The following MYO1D variants were observed in gnomAD, a reference collection of about 807,000 sequenced individuals.
MYO1D encodes the protein unconventional myosin-Id.
In MYO1D, 83 loss-of-function variants were observed where a neutral mutation model predicts 122.0. The ratio of observed to expected loss-of-function variants is 0.68; its 90% confidence interval spans 0.57 to 0.82. The LOEUF is 0.82. Ranked by LOEUF, MYO1D falls within the 40% of genes least tolerant of loss-of-function variation. The probability of loss-of-function intolerance (pLI) is 0.00; values close to 1 mark genes in which losing one functional copy is unlikely to be tolerated. For missense variants in MYO1D, 1,157 were observed against 1,269.5 expected, an observed-to-expected ratio of 0.91 and a Z score of 1.35; for synonymous variants, 464 against 446.9, an observed-to-expected ratio of 1.04 and a Z score of -0.48.
rs145618096 is a variant in MYO1D at position 32,745,417 on chromosome 17, C to T, written c.1539-132G>A. On this transcript the variant is annotated intron_variant, in intron 12 of 21. Coordinates refer to ENST00000318217, the MANE Select transcript of MYO1D (RefSeq NM_015194.3). The stretch of plus-strand genomic sequence containing the variant: ...TAATCTAAAAGCTGATATTGTTCAT[C>T]TTGTTCTGTATTAAAGGATACCAAA... 2.3e-4 allele frequency: 142 copies of T among 620,226 alleles called. 2 individuals carry two copies. The African/African-American group carries it at 2.3e-3, about 10-fold the overall frequency. 38.4% of individuals were successfully genotyped at this position (620,226 alleles called of 1,614,324 possible). A position where few individuals can be genotyped will look rare whatever the true frequency, so the allele number is the denominator to read the frequency against.
At chr17:32,726,641 A>T (rs1391535351) in intron 14 of MYO1D, among the ~76,000 whole-genome samples, 1 of 149,518 alleles carries the variant, frequency 6.7e-6, no homozygotes, top group Admixed American at 6.7e-5. Flanking sequence ...GATAATATAG[A>T]TCATATAGGT....
chr17:32,640,102 A>G (rs976296403), intron 19 of MYO1D, among the ~76,000 whole-genome samples: 5 of 152,170 alleles, frequency 3.3e-5, no homozygotes, highest in Admixed American at 3.3e-4. Context: ...CAATTCTCTA[A>G]GCATTTCCTT....
chr17:32,843,593 AAGG>A (rs1322475714), intron 1 of MYO1D, among the ~76,000 whole-genome samples: 1 of 152,188 alleles, frequency 6.6e-6, no homozygotes, highest in African/African-American at 2.4e-5. Flanking sequence ...CCCCTATCTT[AAGG>A]AGAATAGAAG....
At chr17:32,685,615 G>A (rs976333625) in intron 16 of MYO1D, among the ~76,000 whole-genome samples, 3 of 152,178 alleles carry the variant, frequency 2.0e-5, no homozygotes, top group Admixed American at 6.5e-5. Context: ...GGTTTTCTAC[G>A]ATTATTAGAT....
intron 12 of MYO1D, among the ~76,000 whole-genome samples, chr17:32,747,913 G>A (rs1460731021): frequency 2.0e-5 from 3 of 152,082 alleles, no homozygotes; most frequent in Non-Finnish European, 4.4e-5. Context: ...CAATGTGACT[G>A]GAGTGATGCA....
chr17:32,745,484 T>C, intron 12 of MYO1D, 199 bp from the exon 13 acceptor site: 2 of 443,324 alleles, frequency 4.5e-6, no homozygotes, highest in Admixed American at 4.2e-5. Flanking sequence ...AGTACTATTA[T>C]GATTAAGATG....
In MYO1D at chr17:32,809,431, C is replaced by CTTTTTTTT. The variant is rs57040549; in HGVS notation, c.96-28655_96-28648dup. 1.8e-4 allele frequency among the ~76,000 whole-genome samples: 25 copies of CTTTTTTTT among 135,936 alleles called. 1 individual carries two copies. Among genetic ancestry groups the CTTTTTTTT allele is most frequent in the Admixed American group, 2.9e-4 (4 of 13,634 alleles). 89.2% of individuals were successfully genotyped at this position (135,936 alleles called of 152,430 possible). On this transcript the variant is annotated intron_variant, in intron 1 of 21. Coordinates refer to ENST00000318217, the MANE Select transcript of MYO1D (RefSeq NM_015194.3). ...ATGAGCCACTGTATCTGGCCTAGGCCTTTTTTTTTTTTTTTTTCTTTTTCT... is the reference window on the plus strand; with the variant it reads ...ATGAGCCACTGTATCTGGCCTAGGCCTTTTTTTTTTTTTTTTTTTTTTTTTCTTTTTCT...
intron 21 of MYO1D, among the ~76,000 whole-genome samples, chr17:32,501,859 T>G (rs1321888337): frequency 1.3e-5 from 2 of 152,228 alleles, no homozygotes; most frequent in Non-Finnish European, 2.9e-5. Flanking sequence ...GAGGAGGTCC[T>G]GGGAACTCCA....
chr17:32,701,787 G>A (rs750328186), intron 16 of MYO1D, among the ~76,000 whole-genome samples: 1 of 152,056 alleles, frequency 6.6e-6, no homozygotes, highest in Non-Finnish European at 1.5e-5. Flanking sequence ...GGCTGGTCTC[G>A]AACTCCTGGC....
chr17:32,664,916 C>A (rs1231659866), intron 16 of MYO1D, among the ~76,000 whole-genome samples: 2 of 152,096 alleles, frequency 1.3e-5, no homozygotes, highest in Non-Finnish European at 2.9e-5. Context: ...CTTCCTATAG[C>A]GTTCATGGCC....
intron 14 of MYO1D, among the ~76,000 whole-genome samples, chr17:32,723,337 A>C (rs949689782): frequency 2.0e-5 from 3 of 152,200 alleles, no homozygotes; most frequent in African/African-American, 7.2e-5. Context: ...TTTTTAGATT[A>C]ATGCTAACTC....
intron 15 of MYO1D, among the ~76,000 whole-genome samples, chr17:32,719,243 C>T (rs934752458): frequency 2.0e-5 from 3 of 152,138 alleles, no homozygotes; most frequent in Non-Finnish European, 4.4e-5. Context: ...AAACATATCC[C>T]AAATCTGTCC....
Position 32,494,813 on chromosome 17 carries a change from C to G in MYO1D, c.2967G>C (p.Gln989His). The stretch of plus-strand genomic sequence containing the variant: ...CCGAGCGATTCTTGGTGAAGTCGGG[C>G]TGGGGCTGGTTGAGCCGCGTCTCCA... ...VSVETRLNQPQPDFTKNRSGF... is the reference protein window; with the variant it reads ...VSVETRLNQPHPDFTKNRSGF... The change falls in exon 22 of 22, where the codon CAG becomes CAC. Residue 989 changes from glutamine (Q) to histidine (H), a missense_variant. Coordinates refer to ENST00000318217, the MANE Select transcript of MYO1D (RefSeq NM_015194.3). 1.2e-6 allele frequency: 2 copies of G among 1,613,590 alleles called. No individual in the cohort carries two copies. Among genetic ancestry groups the G allele is most frequent in the Non-Finnish European group, 1.7e-6 (2 of 1,179,760 alleles).
At chr17:32,611,791 A>G (rs1162799959) in intron 20 of MYO1D, among the ~76,000 whole-genome samples, 1 of 152,254 alleles carries the variant, frequency 6.6e-6, no homozygotes, top group Non-Finnish European at 1.5e-5. Flanking sequence ...GTGAGCCGAG[A>G]TCATGCCACT....
intron 14 of MYO1D, among the ~76,000 whole-genome samples, chr17:32,732,298 C>T (rs2089650572): frequency 6.6e-6 from 1 of 152,190 alleles, no homozygotes; most frequent in Non-Finnish European, 1.5e-5. Flanking sequence ...GGCCAGGCTG[C>T]CAGTTCCATG....
chr17:32,503,340 A>G (rs1909384072), intron 21 of MYO1D, among the ~76,000 whole-genome samples: 1 of 152,182 alleles, frequency 6.6e-6, no homozygotes, highest in Admixed American at 6.5e-5. Flanking sequence ...CTCAGCTGGG[A>G]TTAGGAGACT....
intron 1 of MYO1D, among the ~76,000 whole-genome samples, chr17:32,835,670 T>C (rs1449251881): frequency 1.3e-5 from 2 of 152,204 alleles, no homozygotes; most frequent in African/African-American, 4.8e-5. Flanking sequence ...CAAGTCCTTC[T>C]GGGTCTTTCT....
chr17:32,610,434 G>A (rs1424460104), intron 20 of MYO1D, among the ~76,000 whole-genome samples: 1 of 152,194 alleles, frequency 6.6e-6, no homozygotes, highest in East Asian at 1.9e-4. Context: ...TGCCAAAGCA[G>A]GACAAACAGC....
chr17:32,575,991 T>C (rs2087275568), intron 21 of MYO1D, among the ~76,000 whole-genome samples: 1 of 152,208 alleles, frequency 6.6e-6, no homozygotes, highest in African/African-American at 2.4e-5. Context: ...ACAGTGAAGA[T>C]GCAAAACCAC....
Sources: allele counts gnomAD v4.1 joint callset (sites outside exome capture counted in the v4.1 genomes callset), GRCh38; gene constraint gnomAD v4.1.1; transcripts MANE v1.5; gene names NCBI Gene and HGNC (gene_info 2026-07-23, HGNC 2026-07-21).